CAMKMT: variants seen among roughly 807,000 people sequenced by gnomAD.
CAMKMT encodes calmodulin-lysine N-methyltransferase.
In CAMKMT, 53 loss-of-function variants were observed where a neutral mutation model predicts 48.0. The ratio of observed to expected loss-of-function variants is 1.10; its 90% CI spans 0.89 to 1.39. The LOEUF (loss-of-function observed/expected upper bound fraction) is 1.39, where lower values mean the gene tolerates loss of function less well. Ranked by LOEUF, CAMKMT falls within the 40% of genes most tolerant of loss-of-function variation. The probability of loss-of-function intolerance (pLI) is 0.00; values close to 1 mark genes in which losing one functional copy is unlikely to be tolerated. For synonymous variants in CAMKMT, 165 were observed against 152.3 expected (o/e 1.08, Z -0.61); for missense variants, 428 against 402.7 (o/e 1.06, Z -0.54).
rs549234222 is a variant in CAMKMT, at chr2:44,772,059, A to T, written c.918A>T (p.Ile306=). Residue 306 remains isoleucine, a synonymous_variant, in exon 11 of 11, where the codon ATA becomes ATT. Transcript: ENST00000378494. ...HSKLKKENPD[I]YEENLHYPLL... is the part of the protein sequence containing the mutation. ...AGTTGAAAAAGGAAAACCCGGACAT[A>T]TATGAAGAAAACCTTCATTACCCGC... is the stretch of plus-strand genomic sequence containing the variant. The T allele has an allele frequency of 6.2e-7, 1 of 1,613,650 alleles. No individual in the cohort carries two copies.
intron 3 of CAMKMT, chr2:44,395,025 G>T (rs755398454): frequency 2.6e-4 from 115 of 442,778 alleles, no homozygotes; most frequent in Non-Finnish European, 1.3e-4. Context: ...TTATCTTCCT[G>T]GTTTTTCTAG....
At chr2:44,462,716 T>C (rs1478543176) in intron 3 of CAMKMT, among the ~76,000 whole-genome samples, 2 of 151,924 alleles carry the variant, frequency 1.3e-5, no homozygotes, top group Admixed American at 1.3e-4. Flanking sequence ...GGAGTATCTG[T>C]GTGCAAGAGG....
intron 2 of CAMKMT, among the ~76,000 whole-genome samples, chr2:44,389,458 A>G (rs1442548418): frequency 6.6e-6 from 1 of 152,142 alleles, no homozygotes. Context: ...ATTTTTATGA[A>G]TTATCAATGG....
At chr2:44,669,712 A>C (rs1030893680) in intron 3 of CAMKMT, among the ~76,000 whole-genome samples, 1 of 151,758 alleles carries the variant, frequency 6.6e-6, no homozygotes, top group African/African-American at 2.4e-5. Flanking sequence ...ATCCCGGCTC[A>C]CTGCAGCCTC....
chr2:44,518,193 G>A (rs541867870), intron 3 of CAMKMT, among the ~76,000 whole-genome samples: 4 of 151,964 alleles, frequency 2.6e-5, no homozygotes, highest in East Asian at 1.9e-4. Context: ...GTACTTTTTG[G>A]CATTATTGTT....
At chr2:44,426,090 C>T (rs1269451966) in intron 3 of CAMKMT, among the ~76,000 whole-genome samples, 1 of 152,074 alleles carries the variant, frequency 6.6e-6, no homozygotes, top group African/African-American at 2.4e-5. Flanking sequence ...AAAAAAATAC[C>T]ATGAGAATCA....
chr2:44,673,212 G>T (rs1410335885), intron 3 of CAMKMT, among the ~76,000 whole-genome samples: 1 of 152,012 alleles, frequency 6.6e-6, no homozygotes, highest in Non-Finnish European at 1.5e-5. Context: ...GATTGCTGGA[G>T]GCCAGGAGTT....
chr2:44,567,077 A>G (rs749075585), intron 3 of CAMKMT, among the ~76,000 whole-genome samples: 5 of 152,136 alleles, frequency 3.3e-5, no homozygotes, highest in Non-Finnish European at 5.9e-5. Flanking sequence ...TGTGAGAGTT[A>G]TCAGTTGACC....
chr2:44,484,357 C>G (rs1029307458), intron 3 of CAMKMT, among the ~76,000 whole-genome samples: 2 of 151,800 alleles, frequency 1.3e-5, no homozygotes, highest in Admixed American at 1.3e-4. Context: ...ATTAAGATAG[C>G]GTGGTATTGG....
chr2:44,643,279 G>A (rs927885104), intron 3 of CAMKMT, among the ~76,000 whole-genome samples: 3 of 152,168 alleles, frequency 2.0e-5, no homozygotes, highest in African/African-American at 4.8e-5. Flanking sequence ...GGCATGGAGA[G>A]GGTAAGAGTT....
intron 3 of CAMKMT, among the ~76,000 whole-genome samples, chr2:44,690,211 A>G (rs919281699): frequency 2.8e-4 from 42 of 152,242 alleles, no homozygotes; most frequent in African/African-American, 9.2e-4. Flanking sequence ...CACAGGCTAG[A>G]GCCCACTGGT....
chr2:44,409,185 A>C (rs1683018200), intron 3 of CAMKMT, among the ~76,000 whole-genome samples: 1 of 53,124 alleles, frequency 1.9e-5, no homozygotes, highest in Non-Finnish European at 4.2e-5. Context: ...ATATATATGT[A>C]TATTGCTACA....
chr2:44,384,500 C>CTTTTTTTT (rs141017634), intron 2 of CAMKMT, among the ~76,000 whole-genome samples: 64 of 95,604 alleles, frequency 6.7e-4, no homozygotes, highest in Non-Finnish European at 8.6e-4. Flanking sequence ...AGCTATTTAT[C>CTTTTTTTT]TTTTTTTTTT....
intron 3 of CAMKMT, among the ~76,000 whole-genome samples, chr2:44,620,188 C>T (rs1406630620): frequency 1.3e-5 from 2 of 151,964 alleles, no homozygotes; most frequent in Non-Finnish European, 2.9e-5. Context: ...TCAGAATTAC[C>T]AGTGATTAAG....
At position 44,715,337 on chromosome 2, in the gene CAMKMT, C is replaced by T. The variant is rs753557134; in HGVS notation, c.607C>T (p.Gln203Ter). The T allele has an allele frequency of 3.5e-5, 57 of 1,612,150 alleles. No individual in the cohort carries two copies. The highest frequency in any genetic ancestry group is 4.5e-5 in the Non-Finnish European group (53 of 1,179,030). The part of the protein sequence containing the change: ...RNQKAGVFKT[Q>*]KISSCVLRWD... ...TCAGAAGGCTGGTGTGTTTAAGACC[C>T]AGAAAATATCAAGCTGGTAAGATAC... The change falls in exon 7 of 11, where the codon CAG becomes TAG. Residue 203 changes from glutamine to a stop codon, truncating the protein, a stop_gained. Coordinates refer to ENST00000378494, the MANE Select transcript of CAMKMT (RefSeq NM_024766.5). LOFTEE classifies it high-confidence loss of function.
At chr2:44,548,003 A>C (rs1667499534) in intron 3 of CAMKMT, among the ~76,000 whole-genome samples, 1 of 152,194 alleles carries the variant, frequency 6.6e-6, no homozygotes, top group African/African-American at 2.4e-5. Context: ...GAGAGTGGGG[A>C]AAAACTTGGC....
chr2:44,607,858 G>T (rs994957121), intron 3 of CAMKMT, among the ~76,000 whole-genome samples: 1 of 151,362 alleles, frequency 6.6e-6, no homozygotes, highest in Non-Finnish European at 1.5e-5. Context: ...AAATGTAAAC[G>T]ATTCAAAAAA....
At chr2:44,511,131 G>C (rs187227236) in intron 3 of CAMKMT, among the ~76,000 whole-genome samples, 4 of 151,126 alleles carry the variant, frequency 2.6e-5, no homozygotes, top group African/African-American at 9.7e-5. Context: ...GTGAGCCACT[G>C]TGCCTGGCCC....
At chr2:44,411,628 T>C (rs1430703394) in intron 3 of CAMKMT, among the ~76,000 whole-genome samples, 1 of 152,206 alleles carries the variant, frequency 6.6e-6, no homozygotes, top group Non-Finnish European at 1.5e-5. Flanking sequence ...ATTTTATTCA[T>C]TAGTATATTG....
Sources: allele counts gnomAD v4.1 joint callset (sites outside exome capture counted in the v4.1 genomes callset), GRCh38; gene constraint gnomAD v4.1.1; transcripts MANE v1.5; gene names NCBI Gene and HGNC (gene_info 2026-07-23, HGNC 2026-07-21).